Variants in PRDM16 observed in about 807,000 individuals in gnomAD.
The protein encoded by PRDM16 is histone-lysine N-methyltransferase PRDM16.
PRDM16 carries 23 observed loss-of-function variants against 110.6 expected under a neutral mutation model. That is an observed-to-expected ratio of 0.21 (90% CI 0.15 to 0.29). The LOEUF (loss-of-function observed/expected upper bound fraction) is 0.29. PRDM16 is among the 10% of genes least tolerant of loss of function. The probability of loss-of-function intolerance (pLI) is 1.00; values close to 1 mark genes in which losing one functional copy is unlikely to be tolerated. For missense variants in PRDM16, 1,615 were observed against 1,794.3 expected, an observed-to-expected ratio of 0.90 and a Z score of 1.81; for synonymous variants, 799 against 781.8, an observed-to-expected ratio of 1.02 and a Z score of -0.37.
At chr1:3,368,953 G>A (rs148872644) in intron 3 of PRDM16, among the ~76,000 whole-genome samples, 40 of 152,314 alleles carry the variant, frequency 2.6e-4, no homozygotes, top group African/African-American at 8.2e-4. Context: ...CGGAGAGGCC[G>A]TGGGGTTGGC....
intron 1 of PRDM16, among the ~76,000 whole-genome samples, chr1:3,103,828 T>G (rs1304498647): frequency 6.6e-6 from 1 of 152,152 alleles, no homozygotes; most frequent in Admixed American, 6.5e-5. Flanking sequence ...TTCAAGAGAA[T>G]AAAATCCACA....
intron 1 of PRDM16, among the ~76,000 whole-genome samples, chr1:3,162,120 T>C (rs1643903029): frequency 3.3e-5 from 5 of 152,064 alleles, no homozygotes; most frequent in Admixed American, 2.6e-4. Flanking sequence ...AAATGTAATC[T>C]TTGTCATTTT....
At chr1:3,400,986 C>T (rs1208965389) in intron 5 of PRDM16, among the ~76,000 whole-genome samples, 8 of 152,110 alleles carry the variant, frequency 5.3e-5, no homozygotes, top group Non-Finnish European at 8.8e-5. Context: ...TGGGTGGGTG[C>T]GTGCCATCCA....
rs555469347 is a variant in PRDM16 at position 3,219,855 on chromosome 1, T to A, written c.388-24232T>A. On this transcript the variant is annotated intron_variant, in intron 2 of 16. Transcript: ENST00000270722. ...ACCTCTGGCAAGCCGGAGGAGGATA[T>A]CTCAGCAAAGCCAGCTCCCCCACAG... is the stretch of plus-strand genomic sequence containing the variant. Among the ~76,000 whole-genome samples, 42 of 152,242 alleles carry A rather than the reference T, an allele frequency of 2.8e-4. 1 individual carries two copies. Among genetic ancestry groups the A allele is most frequent in the African/African-American group, 9.1e-4 (38 of 41,550 alleles).
intron 12 of PRDM16, among the ~76,000 whole-genome samples, chr1:3,421,777 T>C (rs918006869): frequency 3.3e-5 from 5 of 152,264 alleles, no homozygotes; most frequent in Non-Finnish European, 5.9e-5. Context: ...CAAGAGCCAT[T>C]AGGTGGACTT....
chr1:3,087,878 T>C (rs1642186618), intron 1 of PRDM16, among the ~76,000 whole-genome samples: 1 of 152,174 alleles, frequency 6.6e-6, no homozygotes, highest in South Asian at 2.1e-4. Flanking sequence ...TTTCTGTTTG[T>C]GCTCTGGGGT....
At chr1:3,087,586 T>A (rs1642179709) in intron 1 of PRDM16, among the ~76,000 whole-genome samples, 1 of 152,168 alleles carries the variant, frequency 6.6e-6, no homozygotes, top group African/African-American at 2.4e-5. Flanking sequence ...TGAAACCAAC[T>A]TTGATTTCCC....
intron 1 of PRDM16, among the ~76,000 whole-genome samples, chr1:3,128,836 C>T (rs1345557468): frequency 6.6e-6 from 1 of 152,260 alleles, no homozygotes; most frequent in Non-Finnish European, 1.5e-5. Flanking sequence ...AGTGAGTGCC[C>T]TGCTGGGAGC....
At chr1:3,263,015 G>A (rs1036703460) in intron 3 of PRDM16, among the ~76,000 whole-genome samples, 15 of 152,272 alleles carry the variant, frequency 9.9e-5, no homozygotes, top group South Asian at 4.1e-4. Context: ...GAGGTGCCCC[G>A]GCGGATGAGG....
At position 3,349,351 on chromosome 1, in the gene PRDM16, C is replaced by T. The variant is rs552612483; in HGVS notation, c.439-35801C>T. Among the ~76,000 whole-genome samples the T allele has an allele frequency of 3.2e-4, 49 of 152,306 alleles. No homozygotes were observed. The South Asian group carries it at 3.3e-3, about 10-fold the overall frequency. ...AAAAGGGGCTTTGGAAAGGTGCTGA[C>T]GTGGCACCGTGCTTAATGAGGTCAT... is the stretch of plus-strand genomic sequence containing the variant. On this transcript the variant is annotated intron_variant, in intron 3 of 16. Coordinates refer to ENST00000270722, the MANE Select transcript of PRDM16 (RefSeq NM_022114.4).
intron 3 of PRDM16, among the ~76,000 whole-genome samples, chr1:3,365,916 A>T (rs904891486): frequency 3.4e-5 from 5 of 145,602 alleles, no homozygotes; most frequent in African/African-American, 1.3e-4. Context: ...ACATGCACAC[A>T]TACACACACG....
intron 2 of PRDM16, among the ~76,000 whole-genome samples, chr1:3,241,280 G>A (rs1362261076): frequency 1.3e-5 from 2 of 152,242 alleles, no homozygotes; most frequent in Non-Finnish European, 2.9e-5. Context: ...TTCCGGGGAT[G>A]CAGGGCAGCT....
At chr1:3,365,713 TC>T in intron 3 of PRDM16, among the ~76,000 whole-genome samples, 1 of 152,330 alleles carries the variant, frequency 6.6e-6, no homozygotes, top group East Asian at 1.9e-4. Flanking sequence ...CCTAAGTGGC[TC>T]CCGTCACCTC....
intron 3 of PRDM16, among the ~76,000 whole-genome samples, chr1:3,337,892 A>G (rs1642194083): frequency 6.6e-6 from 1 of 151,536 alleles, no homozygotes; most frequent in African/African-American, 2.5e-5. Flanking sequence ...ATGCACGGAC[A>G]CACACATGGG....
In PRDM16 at chr1:3,358,742, C is replaced by T. The variant is rs1240688970; in HGVS notation, c.439-26410C>T. Among the ~76,000 whole-genome samples the T allele has an allele frequency of 6.6e-6, 1 of 152,188 alleles. No homozygotes were observed. Among genetic ancestry groups the T allele is most frequent in the Non-Finnish European group, 1.5e-5 (1 of 68,032 alleles). ...CGCGATCAGAGCTGAGTAACCTGCT[C>T]CAAACCCAGGACACTGTGTGTGAGT... On this transcript the variant is annotated intron_variant, in intron 3 of 16. Transcript: ENST00000270722. This position sits in a 1 kb window ranked among gnomAD's most constrained non-coding sequence, Gnocchi z 4.0.
intron 3 of PRDM16, among the ~76,000 whole-genome samples, chr1:3,266,472 C>T (rs187432841): frequency 2.0e-5 from 3 of 152,150 alleles, no homozygotes; most frequent in Non-Finnish European, 4.4e-5. Context: ...GAGGACCGAG[C>T]GGTTCGCATT....
At position 3,157,529 on chromosome 1, in the gene PRDM16, G is replaced by T. The variant is rs1487259464; in HGVS notation, c.38-28596G>T. On this transcript the variant is annotated intron_variant, in intron 1 of 16. Coordinates refer to ENST00000270722, the MANE Select transcript of PRDM16 (RefSeq NM_022114.4). This position sits in a 1 kb window ranked among gnomAD's most constrained non-coding sequence, Gnocchi z 4.8. ...GTTTGGTAGGATAAGGTCTTTATGG[G>T]CAGAAAAGAGATGATAGATGAGAAA... Among the ~76,000 whole-genome samples, 1 of 151,736 alleles carries T rather than the reference G, an allele frequency of 6.6e-6. No homozygotes were observed. The highest frequency in any genetic ancestry group is 2.4e-5 in the African/African-American group (1 of 41,242).
intron 1 of PRDM16, among the ~76,000 whole-genome samples, chr1:3,121,693 G>A (rs1557463260): frequency 2.0e-5 from 3 of 152,368 alleles, no homozygotes; most frequent in East Asian, 3.9e-4. Flanking sequence ...TAGGGGATCC[G>A]GGGCAGGGCC....
At chr1:3,417,737 T>TA (rs1638308649) in intron 10 of PRDM16, 91 bp from the exon 11 acceptor site, 17 of 1,089,820 alleles carry the variant, frequency 1.6e-5, no homozygotes, top group Middle Eastern at 2.0e-4. Flanking sequence ...CACCCTAAGA[T>TA]ATGCTGTTGT....
Sources: gnomAD v4.1 joint callset for allele counts (sites outside exome capture counted in the v4.1 genomes callset) on GRCh38, gnomAD v4.1.1 for gene constraint, Gnocchi (gnomAD v3.1) non-coding constraint, MANE v1.5 for transcripts, NCBI Gene and HGNC (gene_info 2026-07-23, HGNC 2026-07-21) for gene names.